Variants in SMARCAL1 observed in about 807,000 individuals in gnomAD.
SMARCAL1 encodes the protein SNF2 related chromatin remodeling annealing helicase 1.
A neutral mutation model predicts 94.5 loss-of-function variants in SMARCAL1; 58 were observed. That is an observed-to-expected ratio of 0.61 (90% CI 0.50 to 0.76). The LOEUF (loss-of-function observed/expected upper bound fraction) is 0.76. Ranked by LOEUF, SMARCAL1 falls within the 30% of genes least tolerant of loss-of-function variation. The pLI is 0.00. For synonymous variants in SMARCAL1, 422 were observed against 455.1 expected, an observed-to-expected ratio of 0.93 and a Z score of 0.93; for missense variants, 1,051 against 1,177.9, an observed-to-expected ratio of 0.89 and a Z score of 1.58.
intron 13 of SMARCAL1, among the ~76,000 whole-genome samples, chr2:216,467,671 T>G (rs1287903708): frequency 6.6e-6 from 1 of 152,174 alleles, no homozygotes; most frequent in African/African-American, 2.4e-5. Context: ...TCTTGGAATG[T>G]CTCTTTAGTA....
Position 216,432,817 on chromosome 2 carries a change from G to A in SMARCAL1, c.1434G>A (p.Glu478=). Residue 478 remains glutamate, a synonymous_variant, in exon 8 of 18, where the codon GAG becomes GAA. Coordinates refer to ENST00000357276, the MANE Select transcript of SMARCAL1 (RefSeq NM_014140.4). ...GCATCGCAGCCTTTTACCGGAAGGA[G>A]TGGCCGCTCCTGGTGGTGGTGCCAT... ...AICIAAFYRK[E]WPLLVVVPSS... 6.2e-7 allele frequency: 1 copy of A among 1,614,246 alleles called. No individual in the cohort carries two copies.
chr2:216,439,349 T>G (rs1694148833), intron 10 of SMARCAL1, among the ~76,000 whole-genome samples: 1 of 152,022 alleles, frequency 6.6e-6, no homozygotes, highest in South Asian at 2.1e-4. Context: ...ATTTTTTTCC[T>G]ATTATTGTAA....
rs775840273 is a variant in SMARCAL1 at position 216,414,733 on chromosome 2, G to T, written c.29G>T (p.Arg10Met). MSLPLTEEQ[R>M]KKIEENRQKA... Reference sequence around the variant, plus strand: ...TCCTTGCCTCTTACAGAGGAGCAGAGGAAAAAGATTGAAGAGAATCGACAA... The same window carrying T: ...TCCTTGCCTCTTACAGAGGAGCAGATGAAAAAGATTGAAGAGAATCGACAA... The change falls in exon 3 of 18, where the codon AGG becomes ATG. Residue 10 changes from arginine (R) to methionine (M), a missense_variant. This residue lies in a region of SMARCAL1 where 398 missense variants were observed against 395.2 expected (regional missense o/e 1.01). Coordinates refer to ENST00000357276, the MANE Select transcript of SMARCAL1 (RefSeq NM_014140.4). 1.2e-6 allele frequency: 2 copies of T among 1,614,112 alleles called. No individual in the cohort carries two copies. Among genetic ancestry groups the T allele is most frequent in the African/African-American group, 2.7e-5 (2 of 74,944 alleles).
intron 13 of SMARCAL1, among the ~76,000 whole-genome samples, chr2:216,465,418 T>C (rs1694811035): frequency 6.6e-6 from 1 of 152,210 alleles, no homozygotes; most frequent in Non-Finnish European, 1.5e-5. Flanking sequence ...TGGGGATACT[T>C]GGGTCTTCCC....
At chr2:216,481,448 G>A (rs1356215970) in intron 17 of SMARCAL1, among the ~76,000 whole-genome samples, 4 of 151,804 alleles carry the variant, frequency 2.6e-5, no homozygotes, top group Non-Finnish European at 4.4e-5. Context: ...CCCCCGCCTC[G>A]GCCTCCCAAA....
chr2:216,479,178 GGA>G (rs1255625015), intron 17 of SMARCAL1: 1 of 152,264 alleles, frequency 6.6e-6, no homozygotes, highest in African/African-American at 2.4e-5. Flanking sequence ...GTTTCTGCCA[GGA>G]GAGTTTGAAC....
rs1425458156 is a variant in SMARCAL1, at chr2:216,418,867, G to A, written c.863-1432G>A. The stretch of plus-strand genomic sequence containing the variant: ...TGAAAATGTGTCCATTATCATAATG[G>A]GCCATTTTGACCTTCAAGAAATGGT... On this transcript the variant is annotated intron_variant, in intron 4 of 17. Transcript: ENST00000357276. Among the ~76,000 whole-genome samples the A allele has an allele frequency of 3.3e-5, 5 of 152,028 alleles. No individual in the cohort carries two copies. The East Asian group carries it at 5.8e-4, about 18-fold the overall frequency.
chr2:216,441,897 C>T (rs1479723898), intron 10 of SMARCAL1, among the ~76,000 whole-genome samples: 1 of 152,128 alleles, frequency 6.6e-6, no homozygotes, highest in Non-Finnish European at 1.5e-5. Flanking sequence ...CTTTTGTCTA[C>T]ACTGGCTTTT....
At chr2:216,452,414 C>A (rs1335289422) in intron 12 of SMARCAL1, among the ~76,000 whole-genome samples, 1 of 151,974 alleles carries the variant, frequency 6.6e-6, no homozygotes, top group Non-Finnish European at 1.5e-5. Context: ...ACTGGTATAG[C>A]AAATATAATA....
At chr2:216,458,377 AC>A (rs1193923922) in intron 12 of SMARCAL1, among the ~76,000 whole-genome samples, 1 of 152,156 alleles carries the variant, frequency 6.6e-6, no homozygotes, top group Non-Finnish European at 1.5e-5. Flanking sequence ...CAGAGACACA[AC>A]AAAAAAAGAA....
chr2:216,469,218 A>T (rs1332265362), intron 14 of SMARCAL1, among the ~76,000 whole-genome samples: 1 of 151,640 alleles, frequency 6.6e-6, no homozygotes, highest in Non-Finnish European at 1.5e-5. Context: ...TTTAAAATAA[A>T]TGACAGCACG....
At chr2:216,481,929 G>A (rs1280546844) in intron 17 of SMARCAL1, among the ~76,000 whole-genome samples, 3 of 152,186 alleles carry the variant, frequency 2.0e-5, no homozygotes, top group Admixed American at 6.5e-5. Flanking sequence ...AGGAAAAATC[G>A]GCAGAGGGGT....
chr2:216,459,365 C>T (rs1574473318), intron 12 of SMARCAL1, among the ~76,000 whole-genome samples: 3 of 152,286 alleles, frequency 2.0e-5, no homozygotes, highest in Admixed American at 2.0e-4. Flanking sequence ...AAAAAAGAGC[C>T]CACATTGCCA....
At chr2:216,464,448 G>A (rs1003738237) in intron 12 of SMARCAL1, 149 bp from the exon 13 acceptor site, 2 of 747,168 alleles carry the variant, frequency 2.7e-6, no homozygotes, top group African/African-American at 1.7e-5. Context: ...TGGCCAAAGT[G>A]AAAGGGGAAT....
intron 8 of SMARCAL1, 77 bp from the exon 9 acceptor site, chr2:216,435,261 T>C: frequency 6.7e-7 from 1 of 1,495,890 alleles, no homozygotes; most frequent in Non-Finnish European, 9.3e-7. Context: ...TTGATGGGCA[T>C]GAGACTGCTG....
chr2:216,477,075 C>T, intron 15 of SMARCAL1, 34 bp from the exon 16 acceptor site: 2 of 1,532,690 alleles, frequency 1.3e-6, no homozygotes, highest in Non-Finnish European at 1.8e-6. Context: ...TGCTTCAGGC[C>T]TTTACCTGCC....
intron 15 of SMARCAL1, among the ~76,000 whole-genome samples, chr2:216,476,122 G>A (rs922480731): frequency 1.3e-5 from 2 of 152,094 alleles, no homozygotes; most frequent in African/African-American, 2.4e-5. Context: ...TGAGGACAGA[G>A]ATAAGACATT....
At position 216,415,468 on chromosome 2, in the gene SMARCAL1, A is replaced by G. The variant is rs1285863511; in HGVS notation, c.764A>G (p.Asn255Ser). 16 of 1,614,050 alleles carry G rather than the reference A, an allele frequency of 9.9e-6. No individual in the cohort carries two copies. The highest frequency in any genetic ancestry group is 1.3e-5 in the African/African-American group (1 of 74,930). The change falls in exon 3 of 18, where the codon AAT becomes AGT. Residue 255 changes from asparagine to serine, a missense_variant. Physicochemically the swap from Asn to Ser is conservative, Grantham distance 46. This residue lies in a region of SMARCAL1 where 398 missense variants were observed against 395.2 expected (regional missense o/e 1.01). Transcript: ENST00000357276. Reference sequence around the variant, plus strand: ...CGTTTCCAGGTGTTGATTGGGTACAATGCGGAACTCATTGCAGTGTTTAAG... The same window carrying G: ...CGTTTCCAGGTGTTGATTGGGTACAGTGCGGAACTCATTGCAGTGTTTAAG... The part of the protein sequence containing the change: ...GDRFQVLIGY[N>S]AELIAVFKTL...
intron 17 of SMARCAL1, among the ~76,000 whole-genome samples, chr2:216,481,941 A>ATAGTGATCGTGTG (rs1186609948): frequency 2.0e-5 from 3 of 152,212 alleles, no homozygotes; most frequent in African/African-American, 7.2e-5. Flanking sequence ...CAGAGGGGTG[A>ATAGTGATCGTGTG]TAGTGATCGT....
Sources: gnomAD v4.1 joint callset for allele counts (sites outside exome capture counted in the v4.1 genomes callset) on GRCh38, gnomAD v4.1.1 for gene constraint, gnomAD v4.1.1 regional missense constraint, MANE v1.5 for transcripts, NCBI Gene and HGNC (gene_info 2026-07-23, HGNC 2026-07-21) for gene names.